IGFL2: variants seen among roughly 807,000 people sequenced by gnomAD.
IGFL2 encodes the protein insulin growth factor-like family member 2.
In IGFL2, 7 loss-of-function variants were observed where a neutral mutation model predicts 13.9. The ratio of observed to expected loss-of-function variants is 0.51; its 90% CI spans 0.29 to 0.95. The LOEUF is 0.95. Ranked by LOEUF, IGFL2 falls within the 40% of genes least tolerant of loss-of-function variation. The pLI, the probability that IGFL2 is intolerant of heterozygous loss-of-function variation, is 0.08. For synonymous variants in IGFL2, 55 were observed against 55.8 expected (o/e 0.99, Z 0.07); for missense variants, 138 against 147.8 (o/e 0.93, Z 0.34).
chr19:46,177,638 A>G, the IGFL2 span, among the ~76,000 whole-genome samples: 65,333 of 151,796 alleles, frequency 0.43, 16,101 homozygotes, highest in Non-Finnish European at 0.57. Flanking sequence ...GACCCTTCCA[A>G]ATCCCTTTGG....
At chr19:46,120,896 C>A in the IGFL2 span, among the ~76,000 whole-genome samples, 1 of 150,776 alleles carries the variant, frequency 6.6e-6, no homozygotes. Context: ...ACATTGAATT[C>A]ATCAGTCATG....
chr19:46,162,598 T>C (rs1974216406), downstream of IGFL2, among the ~76,000 whole-genome samples: 1 of 152,250 alleles, frequency 6.6e-6, no homozygotes, highest in Non-Finnish European at 1.5e-5. Context: ...TGTTAATACT[T>C]GTGATTGCAT....
At chr19:46,101,764 G>A in the IGFL2 span, among the ~76,000 whole-genome samples, 22 of 152,340 alleles carry the variant, frequency 1.4e-4, no homozygotes, top group South Asian at 4.6e-3. Context: ...CGGCCCAACC[G>A]CTGTTGAGAC....
At chr19:46,149,369 C>A (rs1301048792) in intron 1 of IGFL2, among the ~76,000 whole-genome samples, 3 of 132,292 alleles carry the variant, frequency 2.3e-5, no homozygotes, top group Non-Finnish European at 4.8e-5. Context: ...CTCTTCTCTT[C>A]CCCTCTCCCC....
chr19:46,167,321 G>A, the IGFL2 span, among the ~76,000 whole-genome samples: 702 of 152,268 alleles, frequency 4.6e-3, 7 homozygotes, highest in African/African-American at 0.016. Flanking sequence ...AATGTCCTGC[G>A]TGTGTGCAGG....
intron 1 of IGFL2, 74 bp downstream of exon 1, chr19:46,148,371 A>G: frequency 7.9e-7 from 1 of 1,261,550 alleles, no homozygotes; most frequent in East Asian, 2.5e-5. Flanking sequence ...CTCAAACTTA[A>G]TTCTCTCTTC....
At chr19:46,151,785 G>A (rs867840572) in intron 1 of IGFL2, among the ~76,000 whole-genome samples, 20 of 152,228 alleles carry the variant, frequency 1.3e-4, no homozygotes, top group African/African-American at 3.6e-4. Context: ...TGCGGTGTGC[G>A]TCTGTAGTCC....
At chr19:46,082,167 A>T in the IGFL2 span, among the ~76,000 whole-genome samples, 1 of 152,150 alleles carries the variant, frequency 6.6e-6, no homozygotes, top group South Asian at 2.1e-4. Context: ...TTTTCACACC[A>T]TCTTCTCTTC....
chr19:46,120,462 C>G, the IGFL2 span: 1 of 1,509,006 alleles, frequency 6.6e-7, no homozygotes. Flanking sequence ...ACAGACTTGA[C>G]TGCTACACCA....
chr19:46,125,165 C>G, the IGFL2 span, among the ~76,000 whole-genome samples: 1 of 152,110 alleles, frequency 6.6e-6, no homozygotes, highest in East Asian at 1.9e-4. Flanking sequence ...ATTTTTTGCT[C>G]TGGAGTCATT....
the IGFL2 span, chr19:46,136,949 GGCT>G: frequency 1.6e-6 from 2 of 1,259,542 alleles, no homozygotes; most frequent in South Asian, 1.2e-5. Context: ...TAAAGTTGTT[GGCT>G]GCTACCTGCT....
At chr19:46,194,524 G>C in the IGFL2 span, among the ~76,000 whole-genome samples, 7 of 152,040 alleles carry the variant, frequency 4.6e-5, no homozygotes, top group African/African-American at 1.7e-4. Context: ...GACAATGCAA[G>C]CAAAAACCAA....
chr19:46,194,418 G>C, the IGFL2 span, among the ~76,000 whole-genome samples: 1 of 152,136 alleles, frequency 6.6e-6, no homozygotes, highest in Non-Finnish European at 1.5e-5. Flanking sequence ...TGGGTTTAGA[G>C]TCTTCTGACT....
At chr19:46,111,260 C>T in the IGFL2 span, 1 of 152,410 alleles carries the variant, frequency 6.6e-6, no homozygotes, top group African/African-American at 2.4e-5. Context: ...ATTCTTTGTT[C>T]CAGCACATTG....
upstream of IGFL2, among the ~76,000 whole-genome samples, chr19:46,144,117 G>C (rs1972994201): frequency 1.3e-5 from 2 of 152,202 alleles, no homozygotes; most frequent in Non-Finnish European, 1.5e-5. Context: ...CAAAACATAA[G>C]TCTCTTCTGC....
At chr19:46,152,510 C>T (rs1973559310) in intron 1 of IGFL2, among the ~76,000 whole-genome samples, 3 of 152,188 alleles carry the variant, frequency 2.0e-5, no homozygotes, top group Admixed American at 2.0e-4. Context: ...TTTCAAACTT[C>T]TGACCTCAAG....
chr19:46,210,615 G>C, the IGFL2 span, among the ~76,000 whole-genome samples: 1 of 152,190 alleles, frequency 6.6e-6, no homozygotes, highest in Non-Finnish European at 1.5e-5. Flanking sequence ...TCCAGCACGG[G>C]AGAAAGACGT....
chr19:46,176,187 A>G, the IGFL2 span, among the ~76,000 whole-genome samples: 1 of 147,342 alleles, frequency 6.8e-6, no homozygotes, highest in Non-Finnish European at 1.5e-5. Context: ...TTAATGCCAA[A>G]AAAAAAAAAA....
chr19:46,169,662 A>G, the IGFL2 span, among the ~76,000 whole-genome samples: 1 of 152,140 alleles, frequency 6.6e-6, no homozygotes, highest in Non-Finnish European at 1.5e-5. Context: ...ACCCTGGCCA[A>G]CAAGGAGAAA....
Sources: gnomAD v4.1 joint callset for allele counts (sites outside exome capture counted in the v4.1 genomes callset) on GRCh38, gnomAD v4.1.1 for gene constraint, MANE v1.5 for transcripts, NCBI Gene and HGNC (gene_info 2026-07-23, HGNC 2026-07-21) for gene names.